EDIL3: variants seen among roughly 807,000 people sequenced by gnomAD.
EDIL3 encodes EGF-like repeat and discoidin I-like domain-containing protein 3.
Under a neutral mutation model 67.4 loss-of-function variants are expected in EDIL3, and 37 were observed. That is an observed-to-expected ratio of 0.55 (90% CI 0.42 to 0.72). The LOEUF (loss-of-function observed/expected upper bound fraction) is 0.72. Among genes scored for constraint, EDIL3 ranks in the 30% least tolerant of loss-of-function variants. The probability of loss-of-function intolerance (pLI) is 0.00; values close to 1 mark genes in which losing one functional copy is unlikely to be tolerated. For missense variants in EDIL3, 527 were observed against 586.3 expected, an observed-to-expected ratio of 0.90 and a Z score of 1.04; for synonymous variants, 195 against 196.3, an observed-to-expected ratio of 0.99 and a Z score of 0.05.
At chr5:84,154,205 AAAGTT>A (rs1447544772) in intron 4 of EDIL3, among the ~76,000 whole-genome samples, 1 of 152,206 alleles carries the variant, frequency 6.6e-6, no homozygotes, top group African/African-American at 2.4e-5. Flanking sequence ...CTCCAAACCC[AAAGTT>A]AAGGGGTGAG....
At chr5:83,948,283 C>T (rs991645750) in intron 10 of EDIL3, among the ~76,000 whole-genome samples, 3 of 151,520 alleles carry the variant, frequency 2.0e-5, no homozygotes, top group African/African-American at 7.3e-5. Flanking sequence ...GGGACAGATG[C>T]TTATTAATTT....
At chr5:83,954,548 A>G (rs1744478625) in intron 10 of EDIL3, among the ~76,000 whole-genome samples, 1 of 151,636 alleles carries the variant, frequency 6.6e-6, no homozygotes, top group South Asian at 2.1e-4. Context: ...GACTTCCATC[A>G]TGAGTAAAAA....
chr5:83,960,258 T>G (rs1418463248), intron 10 of EDIL3, among the ~76,000 whole-genome samples: 1 of 151,304 alleles, frequency 6.6e-6, no homozygotes, highest in Middle Eastern at 3.4e-3. Flanking sequence ...CATTAAAAAA[T>G]TTTACATTAT....
intron 10 of EDIL3, among the ~76,000 whole-genome samples, chr5:83,961,319 C>T (rs974149764): frequency 6.6e-6 from 1 of 150,834 alleles, no homozygotes. Context: ...TACAAGTAGA[C>T]AGAAAATCAG....
At chr5:84,156,464 A>G (rs1198117671) in intron 4 of EDIL3, among the ~76,000 whole-genome samples, 2 of 152,128 alleles carry the variant, frequency 1.3e-5, no homozygotes, top group Admixed American at 1.3e-4. Context: ...AGAAATGCCA[A>G]AATTCACTGG....
chr5:84,209,669 A>G (rs1744073418), intron 3 of EDIL3, among the ~76,000 whole-genome samples: 1 of 152,192 alleles, frequency 6.6e-6, no homozygotes, highest in African/African-American at 2.4e-5. Flanking sequence ...CTTTCACGAC[A>G]GATGGTGAAC....
At chr5:84,211,227 G>A (rs570254818) in intron 3 of EDIL3, among the ~76,000 whole-genome samples, 1 of 152,288 alleles carries the variant, frequency 6.6e-6, no homozygotes, top group Non-Finnish European at 1.5e-5. Context: ...ACAGCTTGGT[G>A]TGCAGGAGTG....
At chr5:84,285,597 G>A (rs991156595) in intron 1 of EDIL3, among the ~76,000 whole-genome samples, 1 of 152,210 alleles carries the variant, frequency 6.6e-6, no homozygotes, top group East Asian at 1.9e-4. Context: ...TCATACTTAA[G>A]TGAGACAAAA....
chr5:84,205,756 A>T (rs1049644273), intron 3 of EDIL3, among the ~76,000 whole-genome samples: 3 of 152,076 alleles, frequency 2.0e-5, no homozygotes, highest in Admixed American at 1.3e-4. Context: ...ATCGGTGGTG[A>T]TATCACCTTT....
chr5:83,958,820 C>A (rs547525603), intron 10 of EDIL3, among the ~76,000 whole-genome samples: 46 of 151,376 alleles, frequency 3.0e-4, no homozygotes, highest in African/African-American at 1.1e-3. Context: ...GTGTATAAAA[C>A]AAATGTCACT....
chr5:84,145,731 T>C (rs1039918151), intron 4 of EDIL3, among the ~76,000 whole-genome samples: 2 of 152,108 alleles, frequency 1.3e-5, no homozygotes, highest in Non-Finnish European at 2.9e-5. Flanking sequence ...TTACGGTTGC[T>C]AGATTTGGTA....
At chr5:84,320,181 C>T (rs1382706745) in intron 1 of EDIL3, among the ~76,000 whole-genome samples, 1 of 151,830 alleles carries the variant, frequency 6.6e-6, no homozygotes, top group African/African-American at 2.4e-5. Context: ...CACCCCTCCC[C>T]CAAAAAAAAT....
rs1215140052 is a variant in EDIL3 at position 84,382,188 on chromosome 5, G to A, written c.67+2120C>T. On this transcript the variant is annotated intron_variant, in intron 1 of 10. Coordinates refer to ENST00000296591, the MANE Select transcript of EDIL3 (RefSeq NM_005711.5). ...TTTCCCCTGTCCTCACAAGCTAGCT[G>A]GGGGAAAAAGGGAGAAATCTCCTGA... is the stretch of plus-strand genomic sequence containing the variant. Among the ~76,000 whole-genome samples, 3 of 152,170 alleles carry A rather than the reference G, an allele frequency of 2.0e-5. No homozygotes were observed. The East Asian group carries it at 5.8e-4, about 29-fold the overall frequency.
chr5:84,221,177 TA>T (rs1744333953), intron 3 of EDIL3, among the ~76,000 whole-genome samples: 1 of 152,158 alleles, frequency 6.6e-6, no homozygotes. Flanking sequence ...ACTGAAAACA[TA>T]ATGGTCTTAA....
intron 3 of EDIL3, among the ~76,000 whole-genome samples, chr5:84,203,751 C>A (rs144688005): frequency 1.3e-5 from 2 of 152,190 alleles, no homozygotes; most frequent in African/African-American, 4.8e-5. Flanking sequence ...CATAATAAGA[C>A]AATACTCTTT....
At chr5:84,177,851 A>G (rs1422377600) in intron 4 of EDIL3, among the ~76,000 whole-genome samples, 1 of 152,168 alleles carries the variant, frequency 6.6e-6, no homozygotes, top group Admixed American at 6.5e-5. Context: ...TTGTTAAAAT[A>G]GACCTATTAA....
At chr5:84,293,289 T>G (rs1218739333) in intron 1 of EDIL3, among the ~76,000 whole-genome samples, 3 of 152,226 alleles carry the variant, frequency 2.0e-5, no homozygotes, top group African/African-American at 7.2e-5. Context: ...TTAATTAATT[T>G]AATTTTCCTA....
chr5:84,260,180 A>G (rs1745201547), intron 1 of EDIL3, among the ~76,000 whole-genome samples: 1 of 152,242 alleles, frequency 6.6e-6, no homozygotes, highest in Admixed American at 6.5e-5. Context: ...AAAAGCCATG[A>G]GAGGAGGGAG....
chr5:84,351,641 T>A (rs1356092279), intron 1 of EDIL3, among the ~76,000 whole-genome samples: 1 of 152,206 alleles, frequency 6.6e-6, no homozygotes, highest in African/African-American at 2.4e-5. Flanking sequence ...GTTGCATTTA[T>A]CATTTATGAA....
Sources: allele counts gnomAD v4.1 joint callset (sites outside exome capture counted in the v4.1 genomes callset), GRCh38; gene constraint gnomAD v4.1.1; transcripts MANE v1.5; gene names NCBI Gene and HGNC (gene_info 2026-07-23, HGNC 2026-07-21).